The following TEF variants were observed in gnomAD, a reference collection of about 807,000 sequenced individuals.
The protein encoded by TEF is thyrotroph embryonic factor.
Under a neutral mutation model 20.8 loss-of-function variants are expected in TEF, and 3 were observed. The observed-to-expected ratio is 0.14, with a 90% CI of 0.07 to 0.37. The LOEUF is 0.37. Among genes scored for constraint, TEF ranks in the 10% least tolerant of loss-of-function variants. The probability of loss-of-function intolerance (pLI) is 1.00; values close to 1 mark genes in which losing one functional copy is unlikely to be tolerated. For synonymous variants in TEF, 180 were observed against 171.1 expected (o/e 1.05, Z -0.41); for missense variants, 296 against 397.9 (o/e 0.74, Z 2.18).
At chr22:41,370,120 CT>C (rs762993542) in intron 1 of TEF, 87,147 of 645,654 alleles carry the variant, frequency 0.13, 75 homozygotes, top group Middle Eastern at 0.15. Flanking sequence ...CTCTTTCCCC[CT>C]TTTTTTTTTT....
intron 2 of TEF, among the ~76,000 whole-genome samples, chr22:41,390,002 C>T (rs1003718664): frequency 6.6e-6 from 1 of 151,496 alleles, no homozygotes; most frequent in African/African-American, 2.4e-5. Context: ...TGGGTTTAAG[C>T]GATTCTCCTG....
intron 1 of TEF, chr22:41,367,615 A>C: frequency 6.4e-7 from 1 of 1,550,550 alleles, no homozygotes; most frequent in South Asian, 1.2e-5. Context: ...AGCACAGGTG[A>C]CCTGCATTGA....
chr22:41,373,543 C>T (rs954782097), intron 1 of TEF, among the ~76,000 whole-genome samples: 1 of 152,004 alleles, frequency 6.6e-6, no homozygotes. Flanking sequence ...GATCTAGGCT[C>T]ATTGCAACCT....
intron 1 of TEF, among the ~76,000 whole-genome samples, chr22:41,368,024 G>A (rs912278479): frequency 6.6e-6 from 1 of 152,114 alleles, no homozygotes; most frequent in African/African-American, 2.4e-5. Context: ...TCCTTGGTGC[G>A]CCTGCTGCAG....
At chr22:41,387,740 G>A in intron 2 of TEF, 72 bp downstream of exon 2, 10 of 1,462,698 alleles carry the variant, frequency 6.8e-6, no homozygotes, top group South Asian at 1.3e-5. Context: ...AGGGCTGCTT[G>A]TGTCCATGTA....
upstream of TEF, among the ~76,000 whole-genome samples, chr22:41,379,206 C>T (rs1601815112): frequency 2.0e-5 from 3 of 152,206 alleles, no homozygotes; most frequent in Non-Finnish European, 2.9e-5. Flanking sequence ...GGCACGGTGG[C>T]GGGCTCCTGT....
Position 41,381,953 on chromosome 22 carries a change from C to T in TEF, c.-92C>T. ...CATTGGGCGCCTGCGCAGTAGCTGCCCGTGTCGGCAGCTGCAGCGGGTCGC... is the reference window on the plus strand; with the variant it reads ...CATTGGGCGCCTGCGCAGTAGCTGCTCGTGTCGGCAGCTGCAGCGGGTCGC... On this transcript the variant is annotated 5_prime_UTR_variant, in exon 1 of 4. Coordinates refer to ENST00000266304, the MANE Select transcript of TEF (RefSeq NM_003216.4). 1 of 1,227,172 alleles carries T rather than the reference C, an allele frequency of 8.1e-7. No homozygotes were observed. The highest frequency in any genetic ancestry group is 3.1e-4 in the Middle Eastern group (1 of 3,188). The allele number at this position is 1,227,172 out of a possible 1,614,324, so 76.0% of individuals were successfully genotyped here. A position where few individuals can be genotyped will look rare whatever the true frequency, so the allele number is the denominator to read the frequency against.
chr22:41,374,317 G>A (rs552617048), intron 1 of TEF, among the ~76,000 whole-genome samples: 114 of 152,128 alleles, frequency 7.5e-4, no homozygotes, highest in African/African-American at 2.6e-3. Flanking sequence ...TTGGGAGGCC[G>A]AGGCAAGTGG....
intron 1 of TEF, among the ~76,000 whole-genome samples, chr22:41,376,009 C>G (rs1267973351): frequency 1.3e-5 from 2 of 152,174 alleles, no homozygotes; most frequent in Non-Finnish European, 2.9e-5. Context: ...GTCCCAGGCC[C>G]ATGTCCCATT....
At chr22:41,383,488 C>A (rs1006566466) in intron 1 of TEF, among the ~76,000 whole-genome samples, 2 of 152,188 alleles carry the variant, frequency 1.3e-5, no homozygotes, top group African/African-American at 4.8e-5. Flanking sequence ...TCGCAAAGCA[C>A]GCTGACATCA....
intron 1 of TEF, among the ~76,000 whole-genome samples, chr22:41,372,323 T>C (rs1187023070): frequency 1.3e-5 from 2 of 152,084 alleles, no homozygotes; most frequent in African/African-American, 4.8e-5. Flanking sequence ...GTGCCAGGCA[T>C]TGACGGCATG....
chr22:41,375,570 G>A (rs2036931200), intron 1 of TEF, among the ~76,000 whole-genome samples: 1 of 152,114 alleles, frequency 6.6e-6, no homozygotes, highest in East Asian at 1.9e-4. Context: ...CTAACACAGT[G>A]AAACCCCGTC....
chr22:41,383,894 G>T (rs1306600369), intron 1 of TEF, among the ~76,000 whole-genome samples: 1 of 152,240 alleles, frequency 6.6e-6, no homozygotes, highest in African/African-American at 2.4e-5. Flanking sequence ...GAGGAGTCCA[G>T]ATCTCAAGGG....
rs2037113044 is a variant in TEF, at chr22:41,387,540, A to G, written c.347A>G (p.His116Arg). 2 of 1,614,078 alleles carry G rather than the reference A, an allele frequency of 1.2e-6. No homozygotes were observed. The highest frequency in any genetic ancestry group is 8.5e-7 in the Non-Finnish European group (1 of 1,179,996). The change falls in exon 2 of 4, where the codon CAC becomes CGC. Residue 116 changes from histidine to arginine, a missense_variant. His to Arg is a conservative substitution (Grantham distance 29). This residue lies in a region of TEF where 194 missense variants were observed against 317.8 expected (regional missense o/e 0.61). Transcript: ENST00000266304. Reference sequence around the variant, plus strand: ...AATGGCATCCCCGCCAGCCCCACCCACCTGGCCCACAACCTGCTGCTGCCT... The same window carrying G: ...AATGGCATCCCCGCCAGCCCCACCCGCCTGGCCCACAACCTGCTGCTGCCT... ...LENGIPASPT[H>R]LAHNLLLPVA...
Position 41,394,269 on chromosome 22 carries a change from C to G in TEF, c.649C>G (p.Pro217Ala). The change falls in exon 3 of 4, where the codon CCT becomes GCT. Residue 217 changes from proline to alanine, a missense_variant. Around this residue, in one of 2 missense-constraint regions of TEF, gnomAD observed 194 missense variants for 317.8 expected, o/e 0.61. Coordinates refer to ENST00000266304, the MANE Select transcript of TEF (RefSeq NM_003216.4). Reference sequence around the variant, plus strand: ...TGCTGAGGAGGACCTGAAGCCCCAGCCTATGATCAAAAAGGCCAAGAAGGT... The same window carrying G: ...TGCTGAGGAGGACCTGAAGCCCCAGGCTATGATCAAAAAGGCCAAGAAGGT... ...KFAEEDLKPQPMIKKAKKVFV... is the reference protein window; with the variant it reads ...KFAEEDLKPQAMIKKAKKVFV... 6.2e-7 allele frequency: 1 copy of G among 1,614,086 alleles called. No individual in the cohort carries two copies. Among genetic ancestry groups the G allele is most frequent in the South Asian group, 1.1e-5 (1 of 91,088 alleles).
At chr22:41,371,958 C>T (rs1014201647) in intron 1 of TEF, among the ~76,000 whole-genome samples, 11 of 142,206 alleles carry the variant, frequency 7.7e-5, no homozygotes, top group African/African-American at 1.8e-4. Context: ...AGTGTGGACT[C>T]GGTGCAGCCT....
chr22:41,385,724 C>T (rs893190432), intron 1 of TEF, among the ~76,000 whole-genome samples: 8 of 146,546 alleles, frequency 5.5e-5, no homozygotes, highest in African/African-American at 2.2e-4. Context: ...CTCTTTGTGG[C>T]CCAGACTTGG....
rs955698342 is a variant in TEF at position 41,393,650 on chromosome 22, G to A, written c.476-446G>A. 9.9e-5 allele frequency among the ~76,000 whole-genome samples: 15 copies of A among 151,814 alleles called. No homozygotes were observed. The South Asian group carries it at 1.0e-3, about 11-fold the overall frequency. ...CGGGCACCTGCGGTGGCAGGCGCCT[G>A]TAGTCCCAGCTACTCAGGAGGCTGA... On this transcript the variant is annotated intron_variant, in intron 2 of 3. Coordinates refer to ENST00000266304, the MANE Select transcript of TEF (RefSeq NM_003216.4).
Position 41,394,422 on chromosome 22 carries a change from C to T in TEF, c.696+106C>T, listed in dbSNP as rs111664328. 7.3e-5 allele frequency: 81 copies of T among 1,107,122 alleles called. 4 individuals are homozygous for T. In the African/African-American group the frequency reaches 8.2e-4, roughly 11 times the overall value. 68.6% of individuals were successfully genotyped at this position (1,107,122 alleles called of 1,614,324 possible). On this transcript the variant is annotated intron_variant, in intron 3 of 3. Transcript: ENST00000266304. ...TCTGGAGAGCCTTCCCTCCTTGTGA[C>T]ACCATTTGGAAAGACATGAGTTTAG...
Sources: gnomAD v4.1 joint callset for allele counts (sites outside exome capture counted in the v4.1 genomes callset) on GRCh38, gnomAD v4.1.1 for gene constraint, gnomAD v4.1.1 regional missense constraint, MANE v1.5 for transcripts, NCBI Gene and HGNC (gene_info 2026-07-23, HGNC 2026-07-21) for gene names.